Variants in ALK observed in about 807,000 individuals in gnomAD.
The protein encoded by ALK is ALK tyrosine kinase receptor.
In ALK, 74 loss-of-function variants were observed where a neutral mutation model predicts 163.1. The ratio of observed to expected loss-of-function variants is 0.45; its 90% CI spans 0.38 to 0.55. The LOEUF (loss-of-function observed/expected upper bound fraction) is 0.55, where lower values mean the gene tolerates loss of function less well. Ranked by LOEUF, ALK falls within the 20% of genes least tolerant of loss-of-function variation. The pLI, the probability that ALK is intolerant of heterozygous loss-of-function variation, is 0.00. For missense variants in ALK, 2,063 were observed against 2,105.3 expected (o/e 0.98, Z 0.39); for synonymous variants, 960 against 843.2 (o/e 1.14, Z -2.40).
intron 3 of ALK, among the ~76,000 whole-genome samples, chr2:29,655,465 C>T (rs774149946): frequency 6.6e-6 from 1 of 152,142 alleles, no homozygotes; most frequent in South Asian, 2.1e-4. Context: ...TAGTATCTTA[C>T]GGGGTCCCAC....
intron 3 of ALK, among the ~76,000 whole-genome samples, chr2:29,555,395 C>T (rs932111102): frequency 6.6e-6 from 1 of 152,000 alleles, no homozygotes; most frequent in Non-Finnish European, 1.5e-5. Context: ...GGACCTCAGG[C>T]TGGGCTGCTG....
chr2:29,609,268 G>GT (rs201590694), intron 3 of ALK, among the ~76,000 whole-genome samples: 2,017 of 152,148 alleles, frequency 0.013, 38 homozygotes, highest in African/African-American at 0.037. Flanking sequence ...GTGAATAGTT[G>GT]TTTTTTTGTG....
chr2:29,473,853 C>CAAAACA (rs61386576), intron 4 of ALK, among the ~76,000 whole-genome samples: 39,609 of 150,912 alleles, frequency 0.26, 5,959 homozygotes, highest in Non-Finnish European at 0.34. Context: ...GAGACTTTGT[C>CAAAACA]AAAACAAAAA....
At chr2:29,803,513 C>G (rs1664536351) in intron 1 of ALK, among the ~76,000 whole-genome samples, 1 of 152,176 alleles carries the variant, frequency 6.6e-6, no homozygotes, top group South Asian at 2.1e-4. Flanking sequence ...AGGGGTTTAG[C>G]CATATCCGCC....
chr2:29,274,313 ACTTAT>A (rs1665471714), intron 11 of ALK, among the ~76,000 whole-genome samples: 2 of 152,382 alleles, frequency 1.3e-5, no homozygotes, highest in East Asian at 1.9e-4. Flanking sequence ...TTTGATAAAG[ACTTAT>A]CTTTTATAGG....
Position 29,914,621 on chromosome 2 carries a change from C to A in ALK, c.667+5372G>T, listed in dbSNP as rs550919279. ...TGACAACACCTTGAACTATTACTAT[C>A]CCCATTTAGGAACATTTAAGAACTA... On this transcript the variant is annotated intron_variant, in intron 1 of 28. Coordinates refer to ENST00000389048, the MANE Select transcript of ALK (RefSeq NM_004304.5). Among the ~76,000 whole-genome samples, 4 of 152,250 alleles carry A rather than the reference C, an allele frequency of 2.6e-5. No homozygotes were observed. The South Asian group carries it at 6.2e-4, about 24-fold the overall frequency.
At chr2:29,290,031 C>T (rs1665978488) in intron 9 of ALK, among the ~76,000 whole-genome samples, 1 of 152,246 alleles carries the variant, frequency 6.6e-6, no homozygotes, top group African/African-American at 2.4e-5. Context: ...TGCCCATCAC[C>T]TGGCACCCAA....
At position 29,444,891 on chromosome 2, in the gene ALK, T is replaced by C. The variant is rs80258595; in HGVS notation, c.1155-61032A>G. On this transcript the variant is annotated intron_variant, in intron 4 of 28. Coordinates refer to ENST00000389048, the MANE Select transcript of ALK (RefSeq NM_004304.5). ...TTGGTCCTGCCCATGCCTGTCCACA[T>C]ACAGGCTTACCCAAATTTACAGGAT... is the stretch of plus-strand genomic sequence containing the variant. 4.5e-3 allele frequency among the ~76,000 whole-genome samples: 680 copies of C among 152,292 alleles called. 6 individuals are homozygous for C. The highest frequency in any genetic ancestry group is 0.016 in the African/African-American group (648 of 41,558).
intron 4 of ALK, among the ~76,000 whole-genome samples, chr2:29,524,218 T>C (rs999716335): frequency 5.3e-5 from 8 of 152,348 alleles, no homozygotes; most frequent in Middle Eastern, 3.4e-3. Context: ...CCCTACTATG[T>C]GCTAGGCAGT....
chr2:29,590,603 C>T (rs2148206150), intron 3 of ALK, among the ~76,000 whole-genome samples: 1 of 152,262 alleles, frequency 6.6e-6, no homozygotes, highest in African/African-American at 2.4e-5. Flanking sequence ...ATCATCTTGG[C>T]CTGTCTTCAG....
chr2:29,456,689 AAAATGGTT>A (rs1431640772), intron 4 of ALK, among the ~76,000 whole-genome samples: 4 of 152,212 alleles, frequency 2.6e-5, no homozygotes, highest in African/African-American at 9.6e-5. Context: ...CTGTACCCTT[AAAATGGTT>A]AAATGGTAAA....
At chr2:29,571,458 T>A (rs1414810757) in intron 3 of ALK, among the ~76,000 whole-genome samples, 1 of 152,152 alleles carries the variant, frequency 6.6e-6, no homozygotes, top group African/African-American at 2.4e-5. Context: ...GAATCTGGCA[T>A]TTCCCCTGCT....
intron 5 of ALK, among the ~76,000 whole-genome samples, chr2:29,380,676 C>T (rs1041324797): frequency 2.0e-5 from 3 of 152,068 alleles, no homozygotes; most frequent in South Asian, 2.1e-4. Flanking sequence ...TCAGGTAATC[C>T]GCCCACCTCA....
intron 1 of ALK, among the ~76,000 whole-genome samples, chr2:29,723,735 T>C (rs943504940): frequency 2.0e-5 from 3 of 152,238 alleles, no homozygotes; most frequent in Non-Finnish European, 4.4e-5. Context: ...AGATAATGTG[T>C]GCATGACACA....
At chr2:29,504,638 C>G (rs1167724821) in intron 4 of ALK, among the ~76,000 whole-genome samples, 14 of 151,966 alleles carry the variant, frequency 9.2e-5, no homozygotes, top group Admixed American at 9.2e-4. Context: ...GGAAGAATCG[C>G]AGCCTTGGGT....
intron 4 of ALK, among the ~76,000 whole-genome samples, chr2:29,400,916 G>A (rs1245957591): frequency 5.9e-5 from 9 of 151,930 alleles, no homozygotes; most frequent in South Asian, 4.2e-4. Flanking sequence ...CAGAGGTTGC[G>A]GTGAGCCGAA....
At chr2:29,204,672 C>A (rs943906844) in intron 26 of ALK, among the ~76,000 whole-genome samples, 1 of 152,174 alleles carries the variant, frequency 6.6e-6, no homozygotes, top group African/African-American at 2.4e-5. Flanking sequence ...TCACTACAAC[C>A]TCCACCTCCC....
chr2:29,391,308 G>C (rs1558304126), intron 4 of ALK, among the ~76,000 whole-genome samples: 2 of 141,024 alleles, frequency 1.4e-5, no homozygotes, highest in East Asian at 4.0e-4. Context: ...TTTTTTTTGG[G>C]GGGGGGGTGG....
chr2:29,198,238 G>T (rs775871816), intron 26 of ALK, among the ~76,000 whole-genome samples: 2 of 152,162 alleles, frequency 1.3e-5, no homozygotes, highest in African/African-American at 2.4e-5. Context: ...CTGAGCTTCA[G>T]TTTCATCTAT....
Sources: gnomAD v4.1 joint callset for allele counts (sites outside exome capture counted in the v4.1 genomes callset) on GRCh38, gnomAD v4.1.1 for gene constraint, MANE v1.5 for transcripts, NCBI Gene and HGNC (gene_info 2026-07-23, HGNC 2026-07-21) for gene names.